Variants in B4GALNT2 observed in about 807,000 individuals in gnomAD.
B4GALNT2 encodes the protein beta-1,4-N-acetyl-galactosaminyltransferase 2 (SID blood group), also known as N-acetylneuraminylgalactosylglucosyl-glucoside beta-1,4-N- acetylgalactosaminyltransferase 2.
B4GALNT2 carries 42 observed loss-of-function variants against 51.1 expected under a neutral mutation model. The observed-to-expected ratio is 0.82, with a 90% CI of 0.64 to 1.06. The LOEUF is 1.06. Among genes scored for constraint, B4GALNT2 ranks in the 50% least tolerant of loss-of-function variants. B4GALNT2 has a pLI of 0.00. For synonymous variants in B4GALNT2, 253 were observed against 251.7 expected (o/e 1.01, Z -0.05); for missense variants, 602 against 633.6 (o/e 0.95, Z 0.54).
chr17:49,169,447 C>A, intron 10 of B4GALNT2, 76 bp from the exon 11 acceptor site: 2 of 1,403,208 alleles, frequency 1.4e-6, no homozygotes, highest in Non-Finnish European at 2.0e-6. Flanking sequence ...CTGGGACTCT[C>A]CCCCACCAGA....
chr17:49,148,309 A>G, intron 3 of B4GALNT2: 1 of 348,096 alleles, frequency 2.9e-6, no homozygotes. Context: ...CGAAAAAAAA[A>G]TAAAAACAAA....
chr17:49,139,346 G>A (rs761371164), intron 1 of B4GALNT2, among the ~76,000 whole-genome samples: 4 of 151,828 alleles, frequency 2.6e-5, no homozygotes, highest in Non-Finnish European at 5.9e-5. Flanking sequence ...TCAAGTGATC[G>A]TCCCACCTCA....
At chr17:49,156,136 T>A (rs988607231) in intron 4 of B4GALNT2, among the ~76,000 whole-genome samples, 1 of 152,140 alleles carries the variant, frequency 6.6e-6, no homozygotes, top group African/African-American at 2.4e-5. Flanking sequence ...CATTCCCAAC[T>A]GAAACTCTGT....
rs2042945860 is a variant in B4GALNT2 at position 49,169,809 on chromosome 17, G to A, written c.*81G>A. ...GCCACCAAAAACTGGACTCCTGATA[G>A]GTGAACGTTGTACCAAACCAGCTGG... On this transcript the variant is annotated 3_prime_UTR_variant, in exon 11 of 11. Coordinates refer to ENST00000393354, the MANE Select transcript of B4GALNT2 (RefSeq NM_001159387.2). The A allele has an allele frequency of 1.5e-6, 2 of 1,330,822 alleles. No individual in the cohort carries two copies. The highest frequency in any genetic ancestry group is 2.0e-6 in the Non-Finnish European group (2 of 992,734). The allele number at this position is 1,330,822 out of a possible 1,614,324, so 82.4% of individuals were successfully genotyped here.
chr17:49,151,675 G>A (rs55694257), intron 3 of B4GALNT2, among the ~76,000 whole-genome samples: 2,292 of 151,654 alleles, frequency 0.015, 37 homozygotes, highest in Non-Finnish European at 0.024. Flanking sequence ...GAACCCAGGA[G>A]GCAGAGGTTG....
At chr17:49,147,604 GAGCTCAAGCAATCC>G (rs1176447415) in intron 3 of B4GALNT2, among the ~76,000 whole-genome samples, 1 of 151,774 alleles carries the variant, frequency 6.6e-6, no homozygotes, top group African/African-American at 2.4e-5. Flanking sequence ...TCAAACTCCT[GAGCTCAAGCAATCC>G]AGCTGTCTCA....
chr17:49,169,294 C>T (rs1159863010), intron 10 of B4GALNT2, among the ~76,000 whole-genome samples: 2 of 152,208 alleles, frequency 1.3e-5, no homozygotes, highest in East Asian at 3.8e-4. Flanking sequence ...ATCTGTGCCA[C>T]TCTGCCTCTG....
rs1211255976 is a variant in B4GALNT2 at position 49,166,969 on chromosome 17, A to G, written c.1095+715A>G. On this transcript the variant is annotated intron_variant, in intron 9 of 10. Transcript: ENST00000393354. ...GGACGACAGAGTGACACCTGTCTCA[A>G]AAAAAGAAAATAATAAAAACATCAA... Among the ~76,000 whole-genome samples the G allele has an allele frequency of 2.0e-5, 3 of 152,306 alleles. No individual in the cohort carries two copies. The East Asian group carries it at 5.8e-4, about 29-fold the overall frequency.
upstream of B4GALNT2, among the ~76,000 whole-genome samples, chr17:49,127,656 A>G (rs1282617131): frequency 6.6e-6 from 1 of 152,168 alleles, no homozygotes; most frequent in African/African-American, 2.4e-5. Flanking sequence ...AAATTTCCCT[A>G]TTGGATTAAT....
At chr17:49,132,837 A>G in intron 1 of B4GALNT2, 31 bp downstream of exon 1, 1 of 1,373,112 alleles carries the variant, frequency 7.3e-7, no homozygotes, top group African/African-American at 1.5e-5. Flanking sequence ...GCAGAGCGAG[A>G]GGTGAAACTT....
chr17:49,126,247 A>G, the B4GALNT2 span, among the ~76,000 whole-genome samples: 1 of 152,150 alleles, frequency 6.6e-6, no homozygotes, highest in Non-Finnish European at 1.5e-5. Context: ...ACTCAGGGTT[A>G]AATGGATTAA....
intron 3 of B4GALNT2, chr17:49,148,685 G>A (rs991281087): frequency 1.4e-5 from 8 of 558,240 alleles, no homozygotes; most frequent in Non-Finnish European, 2.3e-5. Context: ...CATGAAGGTC[G>A]GGCACCTTCT....
Position 49,169,649 on chromosome 17 carries a change from A to C in B4GALNT2, c.1442A>C (p.Tyr481Ser), listed in dbSNP as rs1346572402. Reference sequence around the variant, plus strand: ...GCCCTAGAGAAGACCTACAATACATACCGGTCCAACACCCTCACCCGGGTC... The same window carrying C: ...GCCCTAGAGAAGACCTACAATACATCCCGGTCCAACACCCTCACCCGGGTC... ...LAALEKTYNTYRSNTLTRVQF... is the reference protein window; with the variant it reads ...LAALEKTYNTSRSNTLTRVQF... The change falls in exon 11 of 11, where the codon TAC becomes TCC. Residue 481 changes from tyrosine to serine, a missense_variant. Coordinates refer to ENST00000393354, the MANE Select transcript of B4GALNT2 (RefSeq NM_001159387.2). The C allele has an allele frequency of 6.2e-7, 1 of 1,612,260 alleles. No individual in the cohort carries two copies. Among genetic ancestry groups the C allele is most frequent in the Admixed American group, 1.7e-5 (1 of 59,930 alleles).
At chr17:49,131,821 T>C (rs1029079013), upstream of B4GALNT2, among the ~76,000 whole-genome samples, 2 of 152,124 alleles carry the variant, frequency 1.3e-5, no homozygotes, top group African/African-American at 4.8e-5. Flanking sequence ...CCATTTTGCA[T>C]GCATTTTGCA....
In B4GALNT2 at chr17:49,164,258, A is replaced by T. The variant is rs1037976855; in HGVS notation, c.937A>T (p.Thr313Ser). 2 of 1,612,602 alleles carry T rather than the reference A, an allele frequency of 1.2e-6. No individual in the cohort carries two copies. Among genetic ancestry groups the T allele is most frequent in the Admixed American group, 3.3e-5 (2 of 60,002 alleles). The change falls in exon 8 of 11, where the codon ACT (threonine) becomes TCT (serine). Residue 313 changes from threonine (T) to serine (S), a missense_variant. Physicochemically the swap from Thr to Ser is moderately conservative, Grantham distance 58. Coordinates refer to ENST00000393354, the MANE Select transcript of B4GALNT2 (RefSeq NM_001159387.2). ...TAAAGACAATCACGTGGAGTATTAC[A>T]CTATGCCCTTTGGGAAGGTATGTCC... ...EIKDNHVEYY[T>S]MPFGKGWFAG...
upstream of B4GALNT2, among the ~76,000 whole-genome samples, chr17:49,130,946 T>G (rs974763509): frequency 6.6e-6 from 1 of 152,204 alleles, no homozygotes; most frequent in Non-Finnish European, 1.5e-5. Flanking sequence ...TGGGGGTCTC[T>G]TTGTGTATAC....
rs138865972 is a variant in B4GALNT2, at chr17:49,169,532, T to A, written c.1325T>A (p.Ile442Asn). Residue 442 changes from isoleucine to asparagine, a missense_variant, in exon 11 of 11, where the codon ATT becomes AAT. Coordinates refer to ENST00000393354, the MANE Select transcript of B4GALNT2 (RefSeq NM_001159387.2). ...LQRVAHSEFF[I>N]DGLGTLLVGS... ...CTCCCTCTCTTTGCAGAATTCTTCA[T>A]TGATGGGCTAGGGACCCTACTCGTG... The A allele has an allele frequency of 3.1e-6, 5 of 1,611,476 alleles. No individual in the cohort carries two copies. Among genetic ancestry groups the A allele is most frequent in the Non-Finnish European group, 4.2e-6 (5 of 1,179,938 alleles).
At chr17:49,141,574 C>T in intron 2 of B4GALNT2, 127 bp downstream of exon 2, 2 of 1,017,480 alleles carry the variant, frequency 2.0e-6, no homozygotes, top group Non-Finnish European at 2.9e-6. Flanking sequence ...GTGCTGAATG[C>T]ACAAGTGACT....
At chr17:49,130,941 G>A (rs962999308), upstream of B4GALNT2, among the ~76,000 whole-genome samples, 1 of 152,160 alleles carries the variant, frequency 6.6e-6, no homozygotes, top group Non-Finnish European at 1.5e-5. Context: ...GCATTTGGGG[G>A]TCTCTTTGTG....
Sources: allele counts gnomAD v4.1 joint callset (sites outside exome capture counted in the v4.1 genomes callset), GRCh38; gene constraint gnomAD v4.1.1; transcripts MANE v1.5; gene names NCBI Gene and HGNC (gene_info 2026-07-23, HGNC 2026-07-21).